C10orf143: variants seen among roughly 807,000 people sequenced by gnomAD.
C10orf143 encodes uncharacterized protein C10orf143.
At chr10:130,098,370 G>A (rs1184946) in intron 1 of C10orf143, among the ~76,000 whole-genome samples, 96,056 of 152,044 alleles carry the variant, frequency 0.63, 30,625 homozygotes, top group Admixed American at 0.72. Context: ...CACGGTCTTG[G>A]TAACTGCCAA....
intron 1 of C10orf143, among the ~76,000 whole-genome samples, chr10:130,100,456 G>A (rs1861530468): frequency 6.6e-6 from 1 of 152,048 alleles, no homozygotes; most frequent in African/African-American, 2.4e-5. Flanking sequence ...CTTGAACCTG[G>A]GAGGCGAAGG....
intron 3 of C10orf143, among the ~76,000 whole-genome samples, chr10:130,050,714 C>A (rs1860727208): frequency 6.6e-6 from 1 of 152,228 alleles, no homozygotes; most frequent in Non-Finnish European, 1.5e-5. Context: ...AAGAAGCATG[C>A]ATTCTCTCTC....
chr10:130,101,854 AAAAAAAAAACC>A lies in C10orf143; in HGVS notation c.69+8839_69+8849del, dbSNP rs1226362501. On this transcript the variant is annotated intron_variant, in intron 1 of 3. Transcript: ENST00000637128. ...GACAGAGGGAGACTCTGTCTCAAAA[AAAAAAAAAACC>A]AAAAAAAAAAAAAAAAAAAACTTTT... 3.5e-3 allele frequency among the ~76,000 whole-genome samples: 109 copies of A among 31,098 alleles called. 7 individuals are homozygous for A. The highest frequency in any genetic ancestry group is 9.8e-3 in the African/African-American group (90 of 9,190). The allele number at this position is 31,098 out of a possible 152,430, so 20.4% of individuals were successfully genotyped here. A position where few individuals can be genotyped will look rare whatever the true frequency, so the allele number is the denominator to read the frequency against.
chr10:130,108,542 T>A, intron 1 of C10orf143: 2 of 624,012 alleles, frequency 3.2e-6, no homozygotes, highest in South Asian at 3.8e-5. Context: ...TTTGCTCAAA[T>A]TGAAACTTAA....
chr10:130,074,236 A>C (rs543667240), intron 3 of C10orf143, among the ~76,000 whole-genome samples: 19 of 152,208 alleles, frequency 1.2e-4, no homozygotes, highest in African/African-American at 4.3e-4. Context: ...TGGCAGTCCA[A>C]TGGCTTAGCC....
chr10:130,093,521 A>G (rs560121823), intron 1 of C10orf143, among the ~76,000 whole-genome samples: 1 of 152,328 alleles, frequency 6.6e-6, no homozygotes, highest in South Asian at 2.1e-4. Flanking sequence ...AGCAAGAGCA[A>G]ACACATTCAG....
chr10:130,105,258 A>G (rs4750786), intron 1 of C10orf143, among the ~76,000 whole-genome samples: 28,308 of 152,156 alleles, frequency 0.19, 3,162 homozygotes, highest in East Asian at 0.4. Flanking sequence ...CAAATGCCAC[A>G]TGGGAAGCTG....
intron 3 of C10orf143, among the ~76,000 whole-genome samples, chr10:130,045,507 C>G (rs1860657147): frequency 6.6e-6 from 1 of 152,230 alleles, no homozygotes; most frequent in Non-Finnish European, 1.5e-5. Flanking sequence ...TGCAGCTGCA[C>G]CCCCAGGACG....
At chr10:130,038,377 C>T (rs554623235) in intron 3 of C10orf143, among the ~76,000 whole-genome samples, 1 of 152,284 alleles carries the variant, frequency 6.6e-6, no homozygotes, top group East Asian at 1.9e-4. Context: ...AAGGCCACCC[C>T]AGCCTGTGGC....
chr10:130,044,544 G>C (rs1266406684), intron 3 of C10orf143, among the ~76,000 whole-genome samples: 1 of 152,194 alleles, frequency 6.6e-6, no homozygotes, highest in Non-Finnish European at 1.5e-5. Flanking sequence ...TTTCATTGAG[G>C]TGAGCTGGTC....
intron 3 of C10orf143, among the ~76,000 whole-genome samples, chr10:130,078,936 A>C (rs1861162341): frequency 6.6e-6 from 1 of 152,238 alleles, no homozygotes; most frequent in Non-Finnish European, 1.5e-5. Context: ...TCCAAATGTA[A>C]AATTAAAGAA....
At chr10:130,069,641 C>G (rs1054565528) in intron 3 of C10orf143, among the ~76,000 whole-genome samples, 2 of 152,046 alleles carry the variant, frequency 1.3e-5, no homozygotes, top group African/African-American at 2.4e-5. Flanking sequence ...GATGGGGTCT[C>G]ACCCTGCTGC....
At chr10:130,041,380 T>C (rs1860605312) in intron 3 of C10orf143, among the ~76,000 whole-genome samples, 1 of 152,180 alleles carries the variant, frequency 6.6e-6, no homozygotes, top group Non-Finnish European at 1.5e-5. Context: ...GAGGCCATGA[T>C]GGACCAAAAA....
chr10:130,094,704 C>G (rs1292067981), intron 1 of C10orf143, among the ~76,000 whole-genome samples: 1 of 152,132 alleles, frequency 6.6e-6, no homozygotes, highest in Non-Finnish European at 1.5e-5. Context: ...TCTCAATAAA[C>G]TAGGTACTGA....
intron 1 of C10orf143, among the ~76,000 whole-genome samples, chr10:130,089,039 C>T (rs1861338248): frequency 6.6e-6 from 1 of 152,118 alleles, no homozygotes; most frequent in Non-Finnish European, 1.5e-5. Context: ...ACACTCTTGA[C>T]CAAGTCTAGC....
At chr10:130,093,788 G>A (rs149542540) in intron 1 of C10orf143, among the ~76,000 whole-genome samples, 23,860 of 151,978 alleles carry the variant, frequency 0.16, 2,518 homozygotes, top group Non-Finnish European at 0.22. Flanking sequence ...CGAGGCGGGC[G>A]GATCACGAGG....
rs544125769 is a variant in C10orf143, at chr10:130,056,337, C to T, written c.298-20367G>A. 6.6e-4 allele frequency among the ~76,000 whole-genome samples: 100 copies of T among 152,192 alleles called. No individual in the cohort carries two copies. The highest frequency in any genetic ancestry group is 2.4e-3 in the Admixed American group (36 of 15,286). On this transcript the variant is annotated intron_variant and NMD_transcript_variant, in intron 3 of 5. Coordinates refer to the C10orf143 transcript ENST00000643056. This position sits in a 1 kb window ranked among gnomAD's most constrained non-coding sequence, Gnocchi z 4.6. ...ACCAGAAGATCAGGGGTGGGGGTGC[C>T]GTCATGAGCAGGATGAGGGCAGCAC...
intron 1 of C10orf143, among the ~76,000 whole-genome samples, chr10:130,109,880 G>A (rs1590041305): frequency 6.6e-6 from 1 of 152,016 alleles, no homozygotes; most frequent in Non-Finnish European, 1.5e-5. Flanking sequence ...GCGGTATGTT[G>A]GCTGCTCACT....
At chr10:130,072,685 T>C (rs570297000) in intron 3 of C10orf143, among the ~76,000 whole-genome samples, 49 of 152,228 alleles carry the variant, frequency 3.2e-4, no homozygotes, top group Non-Finnish European at 6.2e-4. Context: ...TTCAGAGACA[T>C]GGCAGGCTTG....
Sources: allele counts gnomAD v4.1 joint callset (sites outside exome capture counted in the v4.1 genomes callset), GRCh38; gene constraint gnomAD v4.1.1; non-coding constraint Gnocchi (gnomAD v3.1); transcripts MANE v1.5; gene names NCBI Gene and HGNC (gene_info 2026-07-23, HGNC 2026-07-21).